The following DPP10 variants were observed in gnomAD, a reference collection of about 807,000 sequenced individuals.
DPP10 encodes inactive dipeptidyl peptidase 10.
A neutral mutation model predicts 120.9 loss-of-function variants in DPP10; 33 were observed. That is an observed-to-expected ratio of 0.27 (90% CI 0.21 to 0.37). The LOEUF (loss-of-function observed/expected upper bound fraction) is 0.37, where lower values mean the gene tolerates loss of function less well. DPP10 is among the 10% of genes least tolerant of loss of function. The pLI, the probability that DPP10 is intolerant of heterozygous loss-of-function variation, is 1.00. For synonymous variants in DPP10, 337 were observed against 326.1 expected (o/e 1.03, Z -0.36); for missense variants, 816 against 942.8 (o/e 0.87, Z 1.76).
chr2:114,769,778 T>C (rs556363099), intron 1 of DPP10, among the ~76,000 whole-genome samples: 3 of 152,068 alleles, frequency 2.0e-5, no homozygotes, highest in Non-Finnish European at 4.4e-5. Flanking sequence ...CACACACACA[T>C]ACACACATAC....
intron 3 of DPP10, among the ~76,000 whole-genome samples, chr2:115,438,598 T>C (rs1279432275): frequency 6.6e-6 from 1 of 152,212 alleles, no homozygotes; most frequent in African/African-American, 2.4e-5. Flanking sequence ...TGCTATCCCA[T>C]AGATGAATCC....
Position 115,780,860 on chromosome 2 carries a change from T to G in DPP10, c.1362-14T>G. 6.3e-7 allele frequency: 1 copy of G among 1,594,924 alleles called. No homozygotes were observed. The highest frequency in any genetic ancestry group is 8.6e-7 in the Non-Finnish European group (1 of 1,169,320). On this transcript the variant is annotated splice_polypyrimidine_tract_variant and intron_variant, in intron 15 of 25. Coordinates refer to ENST00000410059, the MANE Select transcript of DPP10 (RefSeq NM_020868.6). ...AGTAGCATTTCTATAATAACTTCCT[T>G]TTTCTTTCTCCAGTGCTTCTACTGA...
intron 1 of DPP10, among the ~76,000 whole-genome samples, chr2:114,836,459 C>T (rs1209907116): frequency 6.6e-6 from 1 of 152,068 alleles, no homozygotes; most frequent in East Asian, 1.9e-4. Flanking sequence ...GCAAAACCAG[C>T]AAGTTTTTAT....
chr2:114,903,418 C>A (rs555554026), intron 1 of DPP10, among the ~76,000 whole-genome samples: 1 of 152,086 alleles, frequency 6.6e-6, no homozygotes, highest in Non-Finnish European at 1.5e-5. Context: ...TAAGAGAGCT[C>A]GTGTTGCTCT....
At chr2:115,558,728 G>GA (rs36115879) in intron 5 of DPP10, among the ~76,000 whole-genome samples, 24,862 of 152,058 alleles carry the variant, frequency 0.16, 2,883 homozygotes, top group East Asian at 0.4. Flanking sequence ...CATTTATTCA[G>GA]AAAATCATAT....
chr2:115,625,989 A>G (rs900971200), intron 5 of DPP10, among the ~76,000 whole-genome samples: 1 of 151,406 alleles, frequency 6.6e-6, no homozygotes, highest in African/African-American at 2.4e-5. Context: ...CTGTTTGTCT[A>G]TTTGTCTGAA....
At chr2:115,063,454 G>T (rs1396225907) in intron 1 of DPP10, among the ~76,000 whole-genome samples, 1 of 151,986 alleles carries the variant, frequency 6.6e-6, no homozygotes, top group East Asian at 1.9e-4. Context: ...AGCCCATATA[G>T]CCAACATAAC....
intron 1 of DPP10, among the ~76,000 whole-genome samples, chr2:114,840,143 A>G (rs978826707): frequency 2.6e-5 from 4 of 152,224 alleles, no homozygotes; most frequent in African/African-American, 4.8e-5. Flanking sequence ...ATCAATTTTA[A>G]TGAAATCCTT....
chr2:115,540,614 T>C (rs950630975), intron 5 of DPP10, among the ~76,000 whole-genome samples: 8 of 152,060 alleles, frequency 5.3e-5, no homozygotes, highest in African/African-American at 1.9e-4. Context: ...TCTAAGTTAT[T>C]CGTGCATAAT....
chr2:115,512,754 A>G (rs1575062444), intron 4 of DPP10, among the ~76,000 whole-genome samples: 3 of 152,084 alleles, frequency 2.0e-5, no homozygotes, highest in South Asian at 2.1e-4. Context: ...GTCAAATAAC[A>G]TACTTTTTAT....
intron 3 of DPP10, among the ~76,000 whole-genome samples, chr2:115,489,427 T>C (rs776804923): frequency 4.6e-5 from 7 of 152,104 alleles, no homozygotes; most frequent in Non-Finnish European, 7.4e-5. Context: ...GAAGGGATGT[T>C]GAACCCTCTT....
chr2:115,591,248 T>G (rs1006785478), intron 5 of DPP10, among the ~76,000 whole-genome samples: 5 of 152,228 alleles, frequency 3.3e-5, no homozygotes, highest in African/African-American at 7.2e-5. Flanking sequence ...ATGTCCTGAA[T>G]GGTACTGCCT....
chr2:115,845,221 G>A lies in DPP10; in HGVS notation c.*2876G>A, dbSNP rs1690519531. 1 of 152,200 alleles carries A rather than the reference G, an allele frequency of 6.6e-6. No individual in the cohort carries two copies. Among genetic ancestry groups the A allele is most frequent in the Non-Finnish European group, 1.5e-5 (1 of 68,040 alleles). The allele number at this position is 152,200 out of a possible 1,614,324, so 9.4% of individuals were successfully genotyped here. A position where few individuals can be genotyped will look rare whatever the true frequency, so the allele number is the denominator to read the frequency against. On this transcript the variant is annotated 3_prime_UTR_variant, in exon 26 of 26. Transcript: ENST00000410059. Reference sequence around the variant, plus strand: ...TGACAGCACATAGCTTCTATGAGGAGTTATATATGAAATACCACTTGTGTC... The same window carrying A: ...TGACAGCACATAGCTTCTATGAGGAATTATATATGAAATACCACTTGTGTC...
chr2:115,318,290 A>G (rs1468782696), intron 2 of DPP10, among the ~76,000 whole-genome samples: 1 of 152,106 alleles, frequency 6.6e-6, no homozygotes, highest in Non-Finnish European at 1.5e-5. Context: ...TCATCTCTAT[A>G]TCTGTCCTCA....
chr2:115,242,672 A>ATTTT (rs539909325), intron 1 of DPP10, among the ~76,000 whole-genome samples: 1 of 124,200 alleles, frequency 8.1e-6, no homozygotes. Context: ...GCCAACATCT[A>ATTTT]TTTTTTTTTT....
chr2:114,935,202 G>A (rs1696368684), intron 1 of DPP10, among the ~76,000 whole-genome samples: 1 of 151,962 alleles, frequency 6.6e-6, no homozygotes, highest in Non-Finnish European at 1.5e-5. Flanking sequence ...CTCTCCCTGC[G>A]ATCTTGATCT....
chr2:115,727,120 C>G (rs113498529), intron 7 of DPP10, among the ~76,000 whole-genome samples: 223 of 152,188 alleles, frequency 1.5e-3, no homozygotes, highest in African/African-American at 4.9e-3. Context: ...TTAGTTTGCA[C>G]CATTGTTCCT....
intron 4 of DPP10, among the ~76,000 whole-genome samples, chr2:115,510,372 T>C (rs2077161394): frequency 6.6e-6 from 1 of 152,196 alleles, no homozygotes; most frequent in African/African-American, 2.4e-5. Context: ...TTCTTTTGCA[T>C]GTGGAAATAC....
At chr2:115,691,850 C>T (rs745488307) in intron 7 of DPP10, among the ~76,000 whole-genome samples, 15 of 152,176 alleles carry the variant, frequency 9.9e-5, no homozygotes, top group Non-Finnish European at 2.2e-4. Context: ...TCAAATTTTA[C>T]AATTTTATAT....
Sources: allele counts gnomAD v4.1 joint callset (sites outside exome capture counted in the v4.1 genomes callset), GRCh38; gene constraint gnomAD v4.1.1; transcripts MANE v1.5; gene names NCBI Gene and HGNC (gene_info 2026-07-23, HGNC 2026-07-21).